GRIK4: variants seen among roughly 807,000 people sequenced by gnomAD.
GRIK4 encodes the protein glutamate ionotropic receptor kainate type subunit 4, also known as glutamate receptor ionotropic, kainate 4.
GRIK4 carries 40 observed loss-of-function variants against 104.9 expected under a neutral mutation model. The observed-to-expected ratio is 0.38, with a 90% CI of 0.30 to 0.50. GRIK4 has a LOEUF of 0.50. Ranked by LOEUF, GRIK4 falls within the 20% of genes least tolerant of loss-of-function variation. The pLI, the probability that GRIK4 is intolerant of heterozygous loss-of-function variation, is 0.93. For missense variants in GRIK4, 1,047 were observed against 1,308.1 expected, an observed-to-expected ratio of 0.80 and a Z score of 3.08; for synonymous variants, 485 against 524.9, an observed-to-expected ratio of 0.92 and a Z score of 1.04.
At chr11:120,572,135 A>G (rs1948408416) in intron 1 of GRIK4, among the ~76,000 whole-genome samples, 1 of 152,142 alleles carries the variant, frequency 6.6e-6, no homozygotes, top group African/African-American at 2.4e-5. Flanking sequence ...GTCTTCTCAC[A>G]TGGCGGAGAG....
At chr11:120,984,231 C>T (rs1036503234) in intron 20 of GRIK4, among the ~76,000 whole-genome samples, 5 of 152,152 alleles carry the variant, frequency 3.3e-5, no homozygotes, top group Admixed American at 3.3e-4. Flanking sequence ...ACAACTATGC[C>T]ATTGGTAGAA....
At chr11:120,626,402 C>T (rs1032452574) in intron 1 of GRIK4, among the ~76,000 whole-genome samples, 3 of 152,136 alleles carry the variant, frequency 2.0e-5, no homozygotes, top group African/African-American at 7.2e-5. Context: ...TGGCTCGGCA[C>T]ACTTTATTGG....
chr11:120,661,167 G>C (rs1018867482), intron 3 of GRIK4, among the ~76,000 whole-genome samples: 1 of 152,204 alleles, frequency 6.6e-6, no homozygotes, highest in Non-Finnish European at 1.5e-5. Flanking sequence ...GTGGTCATCT[G>C]ATGGCCCAGC....
chr11:120,764,950 C>T (rs145908445), intron 3 of GRIK4, among the ~76,000 whole-genome samples: 1 of 152,082 alleles, frequency 6.6e-6, no homozygotes. Flanking sequence ...TTGCTCTTCT[C>T]TAGGAGTATC....
intron 13 of GRIK4, among the ~76,000 whole-genome samples, chr11:120,914,429 G>A (rs1269895262): frequency 6.6e-6 from 1 of 152,204 alleles, no homozygotes; most frequent in East Asian, 1.9e-4. Flanking sequence ...AAAGTCCCAT[G>A]AGTAGTGAGT....
At chr11:120,943,084 A>C (rs1409536226) in intron 14 of GRIK4, among the ~76,000 whole-genome samples, 1 of 133,892 alleles carries the variant, frequency 7.5e-6, no homozygotes, top group East Asian at 2.3e-4. Context: ...GTCTCTCCCA[A>C]TATCTCTATC....
At chr11:120,613,556 T>C (rs1299360048) in intron 1 of GRIK4, among the ~76,000 whole-genome samples, 1 of 152,232 alleles carries the variant, frequency 6.6e-6, no homozygotes, top group Non-Finnish European at 1.5e-5. Flanking sequence ...TGCATGTGTT[T>C]GCGTGTGTGC....
intron 8 of GRIK4, among the ~76,000 whole-genome samples, chr11:120,841,817 G>A (rs1591980270): frequency 2.0e-5 from 3 of 152,326 alleles, no homozygotes; most frequent in Admixed American, 2.0e-4. Flanking sequence ...CTCGATGGGT[G>A]TCAAGTAGTC....
At chr11:120,862,725 A>G (rs1479276563) in intron 9 of GRIK4, among the ~76,000 whole-genome samples, 4 of 151,396 alleles carry the variant, frequency 2.6e-5, no homozygotes, top group Non-Finnish European at 5.9e-5. Flanking sequence ...ACGGGAGCAA[A>G]CCTTTCCATG....
At chr11:120,514,522 C>G (rs1027220455) in intron 1 of GRIK4, among the ~76,000 whole-genome samples, 2 of 152,164 alleles carry the variant, frequency 1.3e-5, no homozygotes, top group African/African-American at 4.8e-5. Flanking sequence ...AAAGCCCACC[C>G]TTGGTCCTGC....
intron 1 of GRIK4, among the ~76,000 whole-genome samples, chr11:120,631,333 G>A (rs1162530417): frequency 1.3e-5 from 2 of 152,186 alleles, no homozygotes; most frequent in African/African-American, 2.4e-5. Flanking sequence ...AGGGTCTGGG[G>A]TGGGACCTGA....
chr11:120,524,162 T>C lies in GRIK4; in HGVS notation c.-159+12275T>C, dbSNP rs1947831930. On this transcript the variant is annotated intron_variant, in intron 1 of 20. Coordinates refer to ENST00000527524, the MANE Select transcript of GRIK4 (RefSeq NM_014619.5). The surrounding 1 kb of genome is among the most constrained non-coding windows in gnomAD (Gnocchi z 4.5). ...GGATGGTCTCGATCTCCTGACCTCA[T>C]GATCCACCAGCCTTGACCTCCCAAA... 6.6e-6 allele frequency among the ~76,000 whole-genome samples: 1 copy of C among 152,162 alleles called. No individual in the cohort carries two copies. Among genetic ancestry groups the C allele is most frequent in the African/African-American group, 2.4e-5 (1 of 41,450 alleles).
intron 8 of GRIK4, among the ~76,000 whole-genome samples, chr11:120,844,934 T>C (rs1045825565): frequency 1.3e-5 from 2 of 152,172 alleles, no homozygotes; most frequent in Admixed American, 6.5e-5. Context: ...AGGCTGATTG[T>C]GACAAGTGGT....
At chr11:120,766,192 T>C (rs1951836389) in intron 3 of GRIK4, among the ~76,000 whole-genome samples, 1 of 152,192 alleles carries the variant, frequency 6.6e-6, no homozygotes, top group Non-Finnish European at 1.5e-5. Flanking sequence ...CTGCAGTGGC[T>C]TTGCAGCGCT....
At chr11:120,593,672 C>T (rs1948764680) in intron 1 of GRIK4, among the ~76,000 whole-genome samples, 3 of 152,198 alleles carry the variant, frequency 2.0e-5, no homozygotes, top group South Asian at 2.1e-4. Context: ...GTGATGACCT[C>T]CAACTTTCTC....
At position 120,905,299 on chromosome 11, in the gene GRIK4, T is replaced by A; in HGVS notation, c.1282T>A (p.Tyr428Asn). Residue 428 changes from tyrosine (Y) to asparagine (N), a missense_variant, in exon 13 of 21, where the codon TAT (tyrosine) becomes AAT (asparagine). Tyr to Asn is a moderately radical substitution (Grantham distance 143). This residue lies in a region of GRIK4 where 440 missense variants were observed against 652.3 expected (regional missense o/e 0.67). Coordinates refer to ENST00000527524, the MANE Select transcript of GRIK4 (RefSeq NM_014619.5). This position sits in a 1 kb window ranked among gnomAD's most constrained non-coding sequence, Gnocchi z 5.1. ...LVVTTILENP[Y>N]LMLKGNHQEM... ...CCCAGTTTTGCTGCAGGAGAACCCA[T>A]ATTTAATGCTGAAGGGGAACCACCA... 6.2e-7 allele frequency: 1 copy of A among 1,612,136 alleles called. No individual in the cohort carries two copies.
intron 3 of GRIK4, among the ~76,000 whole-genome samples, chr11:120,669,623 T>C (rs1224025118): frequency 6.6e-6 from 1 of 152,190 alleles, no homozygotes; most frequent in African/African-American, 2.4e-5. Flanking sequence ...GCAGCAGCAT[T>C]TCACATAGTC....
intron 14 of GRIK4, among the ~76,000 whole-genome samples, chr11:120,941,531 G>A (rs140001449): frequency 1.5e-3 from 235 of 152,216 alleles, no homozygotes; most frequent in Non-Finnish European, 2.8e-3. Flanking sequence ...TAACCTCTAG[G>A]ACCTGTGAAT....
chr11:120,544,172 G>C lies in GRIK4; in HGVS notation c.-159+32285G>C, dbSNP rs184859982. On this transcript the variant is annotated intron_variant, in intron 1 of 20. Coordinates refer to ENST00000527524, the MANE Select transcript of GRIK4 (RefSeq NM_014619.5). ...ATGAAAATAGTTATAAAGAGGGTGA[G>C]AGAAACTGTGGGAGCTGATGGATGT... Among the ~76,000 whole-genome samples, 160 of 152,328 alleles carry C rather than the reference G, an allele frequency of 1.1e-3. 2 individuals carry two copies. Among genetic ancestry groups the C allele is most frequent in the Middle Eastern group, 3.4e-3 (1 of 294 alleles).
Sources: gnomAD v4.1 joint callset for allele counts (sites outside exome capture counted in the v4.1 genomes callset) on GRCh38, gnomAD v4.1.1 for gene constraint, gnomAD v4.1.1 regional missense constraint, Gnocchi (gnomAD v3.1) non-coding constraint, MANE v1.5 for transcripts, NCBI Gene and HGNC (gene_info 2026-07-23, HGNC 2026-07-21) for gene names.